GPM6A: variants seen among roughly 807,000 people sequenced by gnomAD.
GPM6A encodes the protein glycoprotein M6A.
GPM6A carries 7 observed loss-of-function variants against 32.1 expected under a neutral mutation model. That is an observed-to-expected ratio of 0.22 (90% CI 0.12 to 0.41). The LOEUF (loss-of-function observed/expected upper bound fraction) is 0.41. Among genes scored for constraint, GPM6A ranks in the 10% least tolerant of loss-of-function variants. The pLI is 1.00. For synonymous variants in GPM6A, 130 were observed against 123.4 expected (o/e 1.05, Z -0.35); for missense variants, 235 against 347.2 (o/e 0.68, Z 2.57).
rs76588082 is a variant in GPM6A at position 175,704,984 on chromosome 4, T to A, written c.38-3217A>T. On this transcript the variant is annotated intron_variant, in intron 1 of 6. Transcript: ENST00000393658. ...AAAACCACTTCTGGGGACTTCTGAT[T>A]AATTTAAGTATTAATTCAGGGTCGG... Among the ~76,000 whole-genome samples the A allele has an allele frequency of 3.7e-4, 56 of 152,330 alleles. No individual in the cohort carries two copies. The East Asian group carries it at 0.01, about 28-fold the overall frequency.
chr4:175,687,209 A>G (rs914768695), intron 2 of GPM6A, among the ~76,000 whole-genome samples: 5 of 152,160 alleles, frequency 3.3e-5, no homozygotes, highest in African/African-American at 7.2e-5. Flanking sequence ...CTCTCTTAAC[A>G]TATTTTTAAG....
rs546028839 is a variant in GPM6A, at chr4:175,952,043, T to C, written c.-23+50266A>G. Among the ~76,000 whole-genome samples, 3 of 152,328 alleles carry C rather than the reference T, an allele frequency of 2.0e-5. No homozygotes were observed. The South Asian group carries it at 6.2e-4, about 32-fold the overall frequency. ...ATGTGAGTCAATTCCTTATGATAAATCTCCTTCCACACAGACACACATTCT... is the reference window on the plus strand; with the variant it reads ...ATGTGAGTCAATTCCTTATGATAAACCTCCTTCCACACAGACACACATTCT... On this transcript the variant is annotated intron_variant, in intron 1 of 7. Coordinates refer to the GPM6A transcript ENST00000280187.
chr4:175,986,297 G>A (rs1195580531), intron 1 of GPM6A, among the ~76,000 whole-genome samples: 3 of 152,146 alleles, frequency 2.0e-5, no homozygotes, highest in African/African-American at 7.2e-5. Context: ...CACTGTGGGA[G>A]GTCAAGATGA....
At chr4:175,732,545 T>C (rs1731478574) in intron 1 of GPM6A, among the ~76,000 whole-genome samples, 2 of 152,200 alleles carry the variant, frequency 1.3e-5, no homozygotes, top group Non-Finnish European at 2.9e-5. Context: ...AAGACTAATA[T>C]TTGTTTCTGT....
chr4:175,773,546 A>G (rs1560925451), intron 1 of GPM6A, among the ~76,000 whole-genome samples: 2 of 152,222 alleles, frequency 1.3e-5, no homozygotes, highest in East Asian at 3.9e-4. Flanking sequence ...AAAAATAATA[A>G]GAATAATGCT....
chr4:175,675,259 T>C (rs1743301190), intron 2 of GPM6A, among the ~76,000 whole-genome samples: 1 of 150,884 alleles, frequency 6.6e-6, no homozygotes, highest in East Asian at 1.9e-4. Flanking sequence ...ATATATATTA[T>C]ATATATATCT....
At chr4:175,787,962 A>T in intron 1 of GPM6A, 1 of 152,328 alleles carries the variant, frequency 6.6e-6, no homozygotes, top group Admixed American at 6.5e-5. Context: ...TATACTTTGA[A>T]GTTTTAAGTT....
At chr4:175,666,529 C>T (rs1742763458) in intron 3 of GPM6A, among the ~76,000 whole-genome samples, 1 of 152,074 alleles carries the variant, frequency 6.6e-6, no homozygotes, top group Admixed American at 6.6e-5. Context: ...TTTCCCAGTA[C>T]AGTAGGCATA....
chr4:175,739,204 A>G (rs1326226038), intron 1 of GPM6A, among the ~76,000 whole-genome samples: 4 of 152,118 alleles, frequency 2.6e-5, no homozygotes, highest in African/African-American at 7.2e-5. Flanking sequence ...AAAAATTGGT[A>G]TGTTTGTTAT....
intron 1 of GPM6A, among the ~76,000 whole-genome samples, chr4:175,795,371 T>C (rs13113026): frequency 0.77 from 117,353 of 152,114 alleles, 48,059 homozygotes; most frequent in East Asian, 0.96. Context: ...CTGCTCCACC[T>C]GAGTAAGGGC....
intron 1 of GPM6A, among the ~76,000 whole-genome samples, chr4:175,870,622 C>G (rs1456909059): frequency 6.6e-6 from 1 of 152,136 alleles, no homozygotes; most frequent in Non-Finnish European, 1.5e-5. Context: ...AATATATTCT[C>G]TTACACTACA....
At chr4:175,661,300 G>A (rs192656375) in intron 3 of GPM6A, among the ~76,000 whole-genome samples, 1 of 151,932 alleles carries the variant, frequency 6.6e-6, no homozygotes, top group African/African-American at 2.4e-5. Flanking sequence ...CAGGTGTGGT[G>A]GCAGGGCTCC....
chr4:175,642,778 A>T (rs1200513374), intron 4 of GPM6A, among the ~76,000 whole-genome samples: 8 of 152,070 alleles, frequency 5.3e-5, no homozygotes, highest in Admixed American at 3.9e-4. Context: ...ATATTTAAAT[A>T]CTGTCAACAA....
rs148115242 is a variant in GPM6A at position 175,940,622 on chromosome 4, C to A, written c.-23+61687G>T. 5.1e-3 allele frequency among the ~76,000 whole-genome samples: 778 copies of A among 152,040 alleles called. 2 individuals are homozygous for A. The highest frequency in any genetic ancestry group is 0.017 in the African/African-American group (725 of 41,474). On this transcript the variant is annotated intron_variant, in intron 1 of 7. Transcript: ENST00000280187. ...TTCTTTATTTCTTCTCCCACGTCCC[C>A]CCGAGATGGAGTGTCACTCTGTCGC...
At chr4:175,994,031 G>C (rs979362099) in intron 1 of GPM6A, among the ~76,000 whole-genome samples, 1 of 152,152 alleles carries the variant, frequency 6.6e-6, no homozygotes, top group Non-Finnish European at 1.5e-5. Flanking sequence ...AAGATAGAGA[G>C]AAAGGAGAGT....
At chr4:175,887,488 T>C (rs1315707278) in intron 1 of GPM6A, among the ~76,000 whole-genome samples, 6 of 151,894 alleles carry the variant, frequency 4.0e-5, no homozygotes, top group Non-Finnish European at 8.8e-5. Flanking sequence ...AATTCACTTA[T>C]TCTCTTAAAA....
chr4:175,766,730 C>A (rs1158325258), intron 1 of GPM6A, among the ~76,000 whole-genome samples: 2 of 149,434 alleles, frequency 1.3e-5, no homozygotes, highest in Non-Finnish European at 3.0e-5. Flanking sequence ...TCTCTGCTCA[C>A]TGCAACCTCC....
intron 3 of GPM6A, among the ~76,000 whole-genome samples, chr4:175,663,727 T>A (rs988752649): frequency 1.3e-5 from 2 of 150,334 alleles, no homozygotes; most frequent in Admixed American, 1.3e-4. Flanking sequence ...GGAGTCTCGC[T>A]TTGTCGCCCA....
chr4:175,840,737 A>G (rs1735909111), intron 1 of GPM6A, among the ~76,000 whole-genome samples: 1 of 136,278 alleles, frequency 7.3e-6, no homozygotes, highest in Non-Finnish European at 1.7e-5. Flanking sequence ...TGAAGAATCC[A>G]GCATGAAAGA....
Sources: allele counts gnomAD v4.1 joint callset (sites outside exome capture counted in the v4.1 genomes callset), GRCh38; gene constraint gnomAD v4.1.1; transcripts MANE v1.5; gene names NCBI Gene and HGNC (gene_info 2026-07-23, HGNC 2026-07-21).